Variants in SPOCK1 observed in about 807,000 individuals in gnomAD.
The protein encoded by SPOCK1 is SPARC (osteonectin), cwcv and kazal like domains proteoglycan 1.
Under a neutral mutation model 55.3 loss-of-function variants are expected in SPOCK1, and 23 were observed. The ratio of observed to expected loss-of-function variants is 0.42; its 90% CI spans 0.30 to 0.59. The LOEUF (loss-of-function observed/expected upper bound fraction) is 0.59, where lower values mean the gene tolerates loss of function less well. Among genes scored for constraint, SPOCK1 ranks in the 20% least tolerant of loss-of-function variants. SPOCK1 has a pLI of 0.22. For missense variants in SPOCK1, 499 were observed against 552.5 expected (o/e 0.90, Z 0.97); for synonymous variants, 226 against 221.0 (o/e 1.02, Z -0.20).
chr5:137,440,134 G>A (rs1249367885), intron 2 of SPOCK1, among the ~76,000 whole-genome samples: 1 of 152,010 alleles, frequency 6.6e-6, no homozygotes, highest in Non-Finnish European at 1.5e-5. Flanking sequence ...AGAGAGATAA[G>A]AAATGATAGT....
At chr5:137,400,582 T>G (rs761509285) in intron 2 of SPOCK1, among the ~76,000 whole-genome samples, 6 of 152,184 alleles carry the variant, frequency 3.9e-5, no homozygotes, top group Admixed American at 1.3e-4. Flanking sequence ...AATATATTAC[T>G]CCTGCTTTGA....
At chr5:137,033,206 A>G (rs917799338) in intron 6 of SPOCK1, among the ~76,000 whole-genome samples, 2 of 152,212 alleles carry the variant, frequency 1.3e-5, no homozygotes, top group Non-Finnish European at 2.9e-5. Flanking sequence ...GATCTGCAAG[A>G]GGAGACTGGA....
chr5:137,358,420 A>AGGAAGGAG (rs970073374), intron 2 of SPOCK1, among the ~76,000 whole-genome samples: 2 of 129,198 alleles, frequency 1.5e-5, no homozygotes, highest in African/African-American at 5.7e-5. Context: ...GAAGGAAGGA[A>AGGAAGGAG]GGAGGAAAGA....
At chr5:137,354,648 G>C (rs779309501) in intron 2 of SPOCK1, among the ~76,000 whole-genome samples, 2 of 152,122 alleles carry the variant, frequency 1.3e-5, no homozygotes, top group Non-Finnish European at 2.9e-5. Context: ...AGAGCATAAA[G>C]TTTAGGAGCA....
Position 137,031,769 on chromosome 5 carries a change from G to A in SPOCK1, c.589+35946C>T, listed in dbSNP as rs143361059. Among the ~76,000 whole-genome samples the A allele has an allele frequency of 3.8e-3, 578 of 152,116 alleles. 3 individuals are homozygous for A. The highest frequency in any genetic ancestry group is 0.013 in the African/African-American group (537 of 41,504). ...TTAATACCAAGTCCTCAAAGCCTAA[G>A]CTTTATCTCAGAAAAACTCTTTTTA... is the stretch of plus-strand genomic sequence containing the variant. On this transcript the variant is annotated intron_variant, in intron 6 of 10. Coordinates refer to ENST00000394945, the MANE Select transcript of SPOCK1 (RefSeq NM_004598.4).
intron 2 of SPOCK1, among the ~76,000 whole-genome samples, chr5:137,410,012 C>G (rs1752177178): frequency 6.6e-6 from 1 of 152,234 alleles, no homozygotes; most frequent in Non-Finnish European, 1.5e-5. Flanking sequence ...CAATGGCCAC[C>G]ATGAGCCACC....
At chr5:137,247,356 A>G (rs1451738766) in intron 3 of SPOCK1, among the ~76,000 whole-genome samples, 1 of 152,064 alleles carries the variant, frequency 6.6e-6, no homozygotes, top group African/African-American at 2.4e-5. Flanking sequence ...TGCCAGGTTT[A>G]GACTCCCCCT....
At chr5:136,979,578 G>C (rs557528542) in intron 9 of SPOCK1, 109 bp from the exon 10 acceptor site, 1 of 1,386,626 alleles carries the variant, frequency 7.2e-7, no homozygotes, top group Non-Finnish European at 9.8e-7. Context: ...TCTGCTGCAG[G>C]GTCAGCAGCA....
intron 2 of SPOCK1, among the ~76,000 whole-genome samples, chr5:137,484,949 T>G (rs1361698089): frequency 1.3e-5 from 2 of 152,094 alleles, no homozygotes; most frequent in Non-Finnish European, 2.9e-5. Flanking sequence ...ATAAACAGCA[T>G]GATAATATGC....
chr5:137,436,884 G>C (rs937469772), intron 2 of SPOCK1, among the ~76,000 whole-genome samples: 1 of 152,084 alleles, frequency 6.6e-6, no homozygotes, highest in African/African-American at 2.4e-5. Context: ...ACCAAGCAAA[G>C]AAAGTCTGAG....
intron 2 of SPOCK1, among the ~76,000 whole-genome samples, chr5:137,312,653 C>T (rs1229520101): frequency 6.6e-6 from 1 of 152,184 alleles, no homozygotes; most frequent in Non-Finnish European, 1.5e-5. Context: ...GGAATGTGTG[C>T]TCTTTCAGGA....
intron 3 of SPOCK1, among the ~76,000 whole-genome samples, chr5:137,161,166 G>C (rs1821472): frequency 6.8e-6 from 1 of 146,760 alleles, no homozygotes; most frequent in East Asian, 2.0e-4. Context: ...TAATATATAC[G>C]CTATTCCTAG....
At chr5:137,084,037 G>A (rs1365318428) in intron 5 of SPOCK1, among the ~76,000 whole-genome samples, 1 of 152,080 alleles carries the variant, frequency 6.6e-6, no homozygotes, top group Non-Finnish European at 1.5e-5. Context: ...GATAATAAAG[G>A]CACCTGCCTC....
chr5:137,100,830 A>G (rs1753246825), intron 5 of SPOCK1, among the ~76,000 whole-genome samples: 1 of 151,932 alleles, frequency 6.6e-6, no homozygotes, highest in Non-Finnish European at 1.5e-5. Context: ...TGTTCTGTTC[A>G]TGGTATACAA....
chr5:137,217,023 G>C (rs143405332), intron 3 of SPOCK1, among the ~76,000 whole-genome samples: 77 of 152,250 alleles, frequency 5.1e-4, no homozygotes, highest in African/African-American at 1.9e-3. Context: ...TGAAGGCCTA[G>C]GTTGGGAGAA....
chr5:137,167,248 G>T lies in SPOCK1; in HGVS notation c.233-26554C>A, dbSNP rs183355505. Among the ~76,000 whole-genome samples the T allele has an allele frequency of 1.6e-4, 24 of 152,022 alleles. 1 individual carries two copies. In the East Asian group the frequency reaches 2.1e-3, roughly 13 times the overall value. ...AAGGTCATTATATAATGTTAAAAGGGTCAATTCAACAAGAGGATATAACAA... is the reference window on the plus strand; with the variant it reads ...AAGGTCATTATATAATGTTAAAAGGTTCAATTCAACAAGAGGATATAACAA... On this transcript the variant is annotated intron_variant, in intron 3 of 10. Transcript: ENST00000394945.
At chr5:136,993,305 T>C (rs186453648) in intron 6 of SPOCK1, 1 of 152,300 alleles carries the variant, frequency 6.6e-6, no homozygotes, top group Admixed American at 6.5e-5. Flanking sequence ...GGTGAGTAGG[T>C]AGGTGCAAGC....
chr5:137,479,128 G>T (rs1339632586), intron 2 of SPOCK1, among the ~76,000 whole-genome samples: 1 of 151,628 alleles, frequency 6.6e-6, no homozygotes, highest in African/African-American at 2.4e-5. Flanking sequence ...CTCAAAAACT[G>T]GAGCACCTGC....
chr5:137,423,553 G>A (rs1221532839), intron 2 of SPOCK1, among the ~76,000 whole-genome samples: 3 of 152,190 alleles, frequency 2.0e-5, no homozygotes, highest in East Asian at 1.9e-4. Flanking sequence ...AGCAATGAGC[G>A]AGGCTCCATG....
Sources: allele counts gnomAD v4.1 joint callset (sites outside exome capture counted in the v4.1 genomes callset), GRCh38; gene constraint gnomAD v4.1.1; transcripts MANE v1.5; gene names NCBI Gene and HGNC (gene_info 2026-07-23, HGNC 2026-07-21).